DIAPH3: variants seen among roughly 807,000 people sequenced by gnomAD.
The protein encoded by DIAPH3 is diaphanous related formin 3.
In DIAPH3, 117 loss-of-function variants were observed where a neutral mutation model predicts 144.3. The observed-to-expected ratio is 0.81, with a 90% CI of 0.70 to 0.95. The LOEUF (loss-of-function observed/expected upper bound fraction) is 0.95. DIAPH3 is among the 40% of genes least tolerant of loss of function. The probability of loss-of-function intolerance (pLI) is 0.00; values close to 1 mark genes in which losing one functional copy is unlikely to be tolerated. For synonymous variants in DIAPH3, 519 were observed against 488.9 expected, an observed-to-expected ratio of 1.06 and a Z score of -0.81; for missense variants, 1,421 against 1,412.7, an observed-to-expected ratio of 1.01 and a Z score of -0.09.
intron 2 of DIAPH3, among the ~76,000 whole-genome samples, chr13:60,117,113 A>T (rs1481481856): frequency 6.6e-6 from 1 of 152,134 alleles, no homozygotes; most frequent in Non-Finnish European, 1.5e-5. Flanking sequence ...TATCAATAAC[A>T]TAATTTGTAA....
chr13:60,022,872 T>G (rs1325708383), intron 5 of DIAPH3, among the ~76,000 whole-genome samples: 1 of 152,246 alleles, frequency 6.6e-6, no homozygotes, highest in Non-Finnish European at 1.5e-5. Context: ...ATGCTATTTC[T>G]GCATTGATTC....
rs1233542016 is a variant in DIAPH3, at chr13:60,156,918, CATAT to C, written c.180+6665_180+6668del. On this transcript the variant is annotated intron_variant, in intron 1 of 27. Coordinates refer to ENST00000400324, the MANE Select transcript of DIAPH3 (RefSeq NM_001042517.2). ...TAGTGGCCCAGAGACCCAGATCCTT[CATAT>C]ATATATATATATATATATTTTTTTT... Among the ~76,000 whole-genome samples, 23 of 55,674 alleles carry C rather than the reference CATAT, an allele frequency of 4.1e-4. 3 individuals are homozygous for C. Among genetic ancestry groups the C allele is most frequent in the African/African-American group, 1.7e-3 (21 of 12,480 alleles). 36.5% of individuals were successfully genotyped at this position (55,674 alleles called of 152,430 possible).
chr13:60,159,445 G>C (rs1213901597), intron 1 of DIAPH3, among the ~76,000 whole-genome samples: 3 of 151,980 alleles, frequency 2.0e-5, no homozygotes, highest in African/African-American at 7.3e-5. Flanking sequence ...GGCCAACATG[G>C]TGAAGCCTCA....
intron 4 of DIAPH3, among the ~76,000 whole-genome samples, chr13:60,084,872 G>T (rs1162670929): frequency 6.6e-6 from 1 of 152,112 alleles, no homozygotes; most frequent in African/African-American, 2.4e-5. Context: ...AGCCGGTTAG[G>T]AAATGGTAAT....
intron 20 of DIAPH3, among the ~76,000 whole-genome samples, chr13:59,881,783 C>T (rs2045069454): frequency 2.0e-5 from 3 of 151,966 alleles, no homozygotes; most frequent in Non-Finnish European, 1.5e-5. Context: ...GGAAATGTAA[C>T]CTAAAAACAA....
chr13:59,845,313 A>C (rs2042571866), intron 22 of DIAPH3, among the ~76,000 whole-genome samples: 1 of 152,110 alleles, frequency 6.6e-6, no homozygotes, highest in Non-Finnish European at 1.5e-5. Flanking sequence ...AAGTGTTGGA[A>C]TTACAGGTGT....
Position 59,879,370 on chromosome 13 carries a change from A to C in DIAPH3, c.2466T>G (p.Ala822=), listed in dbSNP as rs2044850243. 6.2e-7 allele frequency: 1 copy of C among 1,613,810 alleles called. No homozygotes were observed. Residue 822 remains alanine (A), a synonymous_variant, in exon 21 of 28, where the codon GCT becomes GCG. Coordinates refer to ENST00000400324, the MANE Select transcript of DIAPH3 (RefSeq NM_001042517.2). ...QVNNIKPDIM[A]VSTACEEIKK... is the part of the protein sequence containing the mutation. ...TTATCTCTTCGCAGGCAGTACTGAC[A>C]GCCATGATGTCAGGTTTGATGTTGT...
intron 20 of DIAPH3, among the ~76,000 whole-genome samples, chr13:59,897,546 G>A (rs777082945): frequency 1.2e-4 from 18 of 151,398 alleles, no homozygotes; most frequent in African/African-American, 3.2e-4. Flanking sequence ...TCAGGAGTTC[G>A]AGACCAGCCT....
chr13:60,122,630 A>G (rs2058876754), intron 2 of DIAPH3, among the ~76,000 whole-genome samples: 1 of 152,168 alleles, frequency 6.6e-6, no homozygotes, highest in Non-Finnish European at 1.5e-5. Flanking sequence ...TTTTCTCAAC[A>G]ATATTTTAAA....
At chr13:59,882,440 A>G (rs933456967) in intron 20 of DIAPH3, among the ~76,000 whole-genome samples, 2 of 152,188 alleles carry the variant, frequency 1.3e-5, no homozygotes, top group African/African-American at 4.8e-5. Context: ...GGAATCAAAT[A>G]AAAAGGGTTA....
rs1379208967 is a variant in DIAPH3, at chr13:59,778,716, T to C, written c.3164-3893A>G. Among the ~76,000 whole-genome samples, 8 of 152,352 alleles carry C rather than the reference T, an allele frequency of 5.3e-5. No individual in the cohort carries two copies. The East Asian group carries it at 1.5e-3, about 29-fold the overall frequency. ...TGCTGTTCCTTTTCTAACTACACTT[T>C]ATGTTGGTATTACAGAACTGAATTA... On this transcript the variant is annotated intron_variant, in intron 25 of 27. Coordinates refer to ENST00000400324, the MANE Select transcript of DIAPH3 (RefSeq NM_001042517.2).
chr13:59,839,565 T>C (rs2042229734), intron 22 of DIAPH3, 117 bp from the exon 23 acceptor site: 2 of 961,870 alleles, frequency 2.1e-6, no homozygotes, highest in African/African-American at 1.7e-5. Flanking sequence ...GAAAATTCAT[T>C]ATAAAATAAA....
chr13:59,967,137 G>A (rs972831061), intron 17 of DIAPH3, among the ~76,000 whole-genome samples: 1 of 152,036 alleles, frequency 6.6e-6, no homozygotes, highest in Non-Finnish European at 1.5e-5. Flanking sequence ...CGTGATCCTG[G>A]CTCGCTGCAA....
intron 1 of DIAPH3, among the ~76,000 whole-genome samples, chr13:60,152,399 T>C (rs1190153028): frequency 2.0e-5 from 3 of 151,850 alleles, no homozygotes; most frequent in East Asian, 3.9e-4. Context: ...TCCTTTCCAG[T>C]ATTTAAGATC....
intron 21 of DIAPH3, among the ~76,000 whole-genome samples, chr13:59,862,991 A>G (rs959344624): frequency 9.2e-5 from 14 of 152,170 alleles, no homozygotes; most frequent in Admixed American, 2.0e-4. Context: ...CCCAAAGCTA[A>G]TTAGTTGATC....
chr13:60,057,479 T>C (rs975606752), intron 4 of DIAPH3, among the ~76,000 whole-genome samples: 8 of 151,948 alleles, frequency 5.3e-5, no homozygotes, highest in African/African-American at 1.9e-4. Context: ...CCTAAAGCAA[T>C]CTACAGATTC....
chr13:59,845,541 C>T (rs567174570), intron 22 of DIAPH3, among the ~76,000 whole-genome samples: 1 of 152,262 alleles, frequency 6.6e-6, no homozygotes, highest in African/African-American at 2.4e-5. Flanking sequence ...CACCTACAAC[C>T]TGGGGTGCTC....
chr13:59,948,716 C>T (rs2048927381), intron 17 of DIAPH3, among the ~76,000 whole-genome samples: 1 of 152,144 alleles, frequency 6.6e-6, no homozygotes, highest in South Asian at 2.1e-4. Flanking sequence ...CCACCTTGGC[C>T]TCCCAAAGCA....
At chr13:59,979,942 G>C (rs1402049589) in intron 14 of DIAPH3, among the ~76,000 whole-genome samples, 1 of 151,734 alleles carries the variant, frequency 6.6e-6, no homozygotes, top group East Asian at 1.9e-4. Flanking sequence ...CAAATTAAAA[G>C]TCTAATAGGT....
Sources: allele counts gnomAD v4.1 joint callset (sites outside exome capture counted in the v4.1 genomes callset), GRCh38; gene constraint gnomAD v4.1.1; transcripts MANE v1.5; gene names NCBI Gene and HGNC (gene_info 2026-07-23, HGNC 2026-07-21).